CATSPERT: variants seen among roughly 807,000 people sequenced by gnomAD.
CATSPERT encodes catsper channel auxiliary subunit tau.
chr2:201,492,923 GTTC>G, the CATSPERT span: 7 of 1,536,574 alleles, frequency 4.6e-6, no homozygotes, highest in Non-Finnish European at 6.1e-6. Flanking sequence ...GACTCTGAGA[GTTC>G]TTCTAGAAAC....
the CATSPERT span, among the ~76,000 whole-genome samples, chr2:201,584,830 C>G: frequency 3.4e-3 from 517 of 151,952 alleles, 4 homozygotes; most frequent in African/African-American, 0.012. Context: ...AATAATTTTT[C>G]ATAACTAATG....
chr2:201,490,472 A>G, the CATSPERT span, among the ~76,000 whole-genome samples: 9 of 152,300 alleles, frequency 5.9e-5, no homozygotes, highest in South Asian at 1.9e-3. Context: ...GGTTGTACTA[A>G]TTTTAGTCAG....
the CATSPERT span, chr2:201,557,996 A>C: frequency 4.6e-5 from 7 of 152,196 alleles, no homozygotes; most frequent in Admixed American, 4.6e-4. Flanking sequence ...CCTCACATTT[A>C]CATGTATGCC....
the CATSPERT span, among the ~76,000 whole-genome samples, chr2:201,593,017 C>A: frequency 1.3e-5 from 2 of 152,024 alleles, no homozygotes; most frequent in African/African-American, 2.4e-5. Context: ...TTCTTGCCTT[C>A]TGCTAGCTTT....
the CATSPERT span, among the ~76,000 whole-genome samples, chr2:201,618,361 A>G: frequency 6.6e-6 from 1 of 152,182 alleles, no homozygotes; most frequent in African/African-American, 2.4e-5. Context: ...CATATACACC[A>G]TGGAATACTA....
the CATSPERT span, among the ~76,000 whole-genome samples, chr2:201,504,926 G>T: frequency 6.6e-6 from 1 of 152,156 alleles, no homozygotes; most frequent in Non-Finnish European, 1.5e-5. Flanking sequence ...GGACCCCCTG[G>T]TCTCAGATTA....
At chr2:201,499,904 GAT>G in the CATSPERT span, among the ~76,000 whole-genome samples, 1 of 146,040 alleles carries the variant, frequency 6.8e-6, no homozygotes, top group Non-Finnish European at 1.5e-5. Flanking sequence ...ATTTATATAT[GAT>G]ATATATATAT....
At chr2:201,522,078 A>T in the CATSPERT span, among the ~76,000 whole-genome samples, 2 of 152,260 alleles carry the variant, frequency 1.3e-5, no homozygotes, top group African/African-American at 4.8e-5. Flanking sequence ...TGGGGGAAAA[A>T]CTTTCAACTA....
the CATSPERT span, among the ~76,000 whole-genome samples, chr2:201,617,580 T>C: frequency 6.6e-6 from 1 of 152,150 alleles, no homozygotes; most frequent in East Asian, 1.9e-4. Context: ...AAGACTTAAA[T>C]GTTAGACCTA....
chr2:201,498,305 C>T, the CATSPERT span, among the ~76,000 whole-genome samples: 1 of 152,134 alleles, frequency 6.6e-6, no homozygotes, highest in Non-Finnish European at 1.5e-5. Context: ...TGCCCCAAAG[C>T]CCCCTGGAGA....
the CATSPERT span, among the ~76,000 whole-genome samples, chr2:201,545,299 A>T: frequency 6.6e-6 from 1 of 151,800 alleles, no homozygotes. Context: ...GGCCTCCCAA[A>T]ATGCTGGGAT....
the CATSPERT span, among the ~76,000 whole-genome samples, chr2:201,612,972 T>C: frequency 5.9e-4 from 90 of 152,148 alleles, 1 homozygote; most frequent in African/African-American, 1.3e-3. Flanking sequence ...CAGTCTGAGA[T>C]CCAACTGCAA....
chr2:201,539,520 T>G, the CATSPERT span, among the ~76,000 whole-genome samples: 1 of 145,484 alleles, frequency 6.9e-6, no homozygotes, highest in Non-Finnish European at 1.5e-5. Flanking sequence ...GGTTTTTTTT[T>G]TTTTTTTTTG....
the CATSPERT span, among the ~76,000 whole-genome samples, chr2:201,490,648 G>A: frequency 6.6e-6 from 1 of 152,144 alleles, no homozygotes; most frequent in Non-Finnish European, 1.5e-5. Flanking sequence ...AAAGGTAGTA[G>A]GTGTGTTAAC....
chr2:201,604,990 A>C, the CATSPERT span, among the ~76,000 whole-genome samples: 1 of 152,088 alleles, frequency 6.6e-6, no homozygotes, highest in Admixed American at 6.6e-5. Flanking sequence ...TATAAAGAGA[A>C]TTCCAGTTGG....
At chr2:201,589,038 C>T in the CATSPERT span, among the ~76,000 whole-genome samples, 1 of 152,076 alleles carries the variant, frequency 6.6e-6, no homozygotes, top group Non-Finnish European at 1.5e-5. Context: ...CCTAGGAGTA[C>T]AGCTAACTAG....
the CATSPERT span, among the ~76,000 whole-genome samples, chr2:201,562,346 C>T: frequency 0.055 from 8,331 of 151,574 alleles, 277 homozygotes; most frequent in African/African-American, 0.08. Flanking sequence ...CACCACCACG[C>T]CCGGCTAATT....
chr2:201,506,373 T>C, the CATSPERT span, among the ~76,000 whole-genome samples: 1 of 152,220 alleles, frequency 6.6e-6, no homozygotes, highest in East Asian at 1.9e-4. Context: ...ACAAAATTCC[T>C]AAATAAGTTA....
chr2:201,535,507 G>T, the CATSPERT span: 1 of 920,524 alleles, frequency 1.1e-6, no homozygotes, highest in Non-Finnish European at 1.3e-6. Context: ...TAATATAATA[G>T]TTTTATTAAG....
Sources: allele counts gnomAD v4.1 joint callset (sites outside exome capture counted in the v4.1 genomes callset), GRCh38; gene constraint gnomAD v4.1.1; transcripts MANE v1.5; gene names NCBI Gene and HGNC (gene_info 2026-07-23, HGNC 2026-07-21).